Variants in GALNT13 observed in about 807,000 individuals in gnomAD.
GALNT13 encodes UDP-GalNAc:polypeptide N-acetylgalactosaminyltransferase 13.
In GALNT13, 28 loss-of-function variants were observed where a neutral mutation model predicts 64.2. The ratio of observed to expected loss-of-function variants is 0.44; its 90% CI spans 0.32 to 0.60. The LOEUF (loss-of-function observed/expected upper bound fraction) is 0.60. Ranked by LOEUF, GALNT13 falls within the 20% of genes least tolerant of loss-of-function variation. The pLI, the probability that GALNT13 is intolerant of heterozygous loss-of-function variation, is 0.05. For synonymous variants in GALNT13, 214 were observed against 224.6 expected, an observed-to-expected ratio of 0.95 and a Z score of 0.42; for missense variants, 577 against 669.8, an observed-to-expected ratio of 0.86 and a Z score of 1.53.
At chr2:153,475,147 G>A in the GALNT13 span, among the ~76,000 whole-genome samples, 1 of 152,190 alleles carries the variant, frequency 6.6e-6, no homozygotes. Flanking sequence ...GGGGAATAGA[G>A]AGTGTAAAAA....
chr2:153,786,306 A>T, the GALNT13 span, among the ~76,000 whole-genome samples: 1 of 152,012 alleles, frequency 6.6e-6, no homozygotes, highest in African/African-American at 2.4e-5. Context: ...GTGCGTAGTC[A>T]CTACGCTGAC....
chr2:154,355,006 A>C (rs893957882), intron 9 of GALNT13, among the ~76,000 whole-genome samples: 1 of 152,094 alleles, frequency 6.6e-6, no homozygotes, highest in Non-Finnish European at 1.5e-5. Flanking sequence ...AATTAGATTC[A>C]GTTGGAATTG....
At chr2:153,553,467 A>T in the GALNT13 span, among the ~76,000 whole-genome samples, 3 of 152,178 alleles carry the variant, frequency 2.0e-5, no homozygotes, top group East Asian at 5.8e-4. Context: ...GCACCACTGC[A>T]CTCCAGCCTG....
At chr2:153,893,805 C>T (rs1219592904) in intron 1 of GALNT13, among the ~76,000 whole-genome samples, 1 of 151,924 alleles carries the variant, frequency 6.6e-6, no homozygotes, top group Non-Finnish European at 1.5e-5. Flanking sequence ...TTATAAATGA[C>T]ACGGATGAAG....
At chr2:154,336,449 T>G (rs1695450635) in intron 9 of GALNT13, among the ~76,000 whole-genome samples, 2 of 152,120 alleles carry the variant, frequency 1.3e-5, no homozygotes, top group African/African-American at 2.4e-5. Flanking sequence ...AGGGGCCAAT[T>G]TAAATTTCAA....
chr2:153,515,147 C>T, the GALNT13 span, among the ~76,000 whole-genome samples: 1 of 152,152 alleles, frequency 6.6e-6, no homozygotes, highest in Non-Finnish European at 1.5e-5. Context: ...ACTGTCTTTT[C>T]TCCACTGGCA....
the GALNT13 span, among the ~76,000 whole-genome samples, chr2:153,072,893 C>T: frequency 5.9e-5 from 9 of 152,040 alleles, no homozygotes; most frequent in Admixed American, 2.6e-4. Flanking sequence ...AATTACACAA[C>T]GGTTTGCACT....
chr2:154,301,063 G>T (rs1693412876), intron 8 of GALNT13, among the ~76,000 whole-genome samples: 1 of 152,100 alleles, frequency 6.6e-6, no homozygotes, highest in Non-Finnish European at 1.5e-5. Flanking sequence ...TTTAGTTTTT[G>T]ACAATGGCAT....
At chr2:154,434,741 GAACATT>G (rs1311994296) in intron 11 of GALNT13, among the ~76,000 whole-genome samples, 1 of 151,914 alleles carries the variant, frequency 6.6e-6, no homozygotes, top group Non-Finnish European at 1.5e-5. Context: ...GAGACAACAT[GAACATT>G]AAGTGTGAAA....
At chr2:153,248,277 C>G in the GALNT13 span, among the ~76,000 whole-genome samples, 1 of 152,068 alleles carries the variant, frequency 6.6e-6, no homozygotes, top group Non-Finnish European at 1.5e-5. Flanking sequence ...AATTTTAGGC[C>G]AACATCCCTG....
the GALNT13 span, among the ~76,000 whole-genome samples, chr2:153,311,920 T>A: frequency 6.6e-6 from 1 of 152,222 alleles, no homozygotes; most frequent in Non-Finnish European, 1.5e-5. Context: ...TCCATAACTC[T>A]GTAAATGGAT....
At chr2:154,159,994 A>G (rs1271582576) in intron 4 of GALNT13, among the ~76,000 whole-genome samples, 1 of 152,212 alleles carries the variant, frequency 6.6e-6, no homozygotes, top group African/African-American at 2.4e-5. Context: ...TTTATAATTA[A>G]GGGAACTGAG....
intron 3 of GALNT13, among the ~76,000 whole-genome samples, chr2:154,095,953 A>G (rs1055103676): frequency 5.3e-5 from 8 of 152,014 alleles, no homozygotes; most frequent in Non-Finnish European, 8.8e-5. Flanking sequence ...TCTATAAAAC[A>G]TGGTCTTGTG....
At position 154,110,648 on chromosome 2, in the gene GALNT13, G is replaced by A. The variant is rs143504199; in HGVS notation, c.143-29689G>A. 7.0e-3 allele frequency among the ~76,000 whole-genome samples: 1,063 copies of A among 151,896 alleles called. 11 individuals carry two copies. The highest frequency in any genetic ancestry group is 0.024 in the African/African-American group (979 of 41,424). On this transcript the variant is annotated intron_variant, in intron 3 of 12. Transcript: ENST00000392825. ...TCTAGCTGGCAGCTGATAAGATGGT[G>A]CCCACCCTGATTAAGGGTGGGTCTG... is the stretch of plus-strand genomic sequence containing the variant.
At position 154,236,911 on chromosome 2, in the gene GALNT13, C is replaced by T. The variant is rs868834113; in HGVS notation, c.312-5119C>T. Among the ~76,000 whole-genome samples, 6 of 151,872 alleles carry T rather than the reference C, an allele frequency of 4.0e-5. 1 individual carries two copies. The highest frequency in any genetic ancestry group is 3.4e-3 in the Middle Eastern group (1 of 294). On this transcript the variant is annotated intron_variant, in intron 4 of 12. Transcript: ENST00000392825. The stretch of plus-strand genomic sequence containing the variant: ...ATTGGTATTTTCCTATCTGATACAA[C>T]GATATATATATTTGAATGCAAGATT...
chr2:154,320,166 A>G (rs1219548805), intron 9 of GALNT13, among the ~76,000 whole-genome samples: 1 of 152,158 alleles, frequency 6.6e-6, no homozygotes, highest in Non-Finnish European at 1.5e-5. Context: ...CAAATGATTA[A>G]GTGTACAATC....
At chr2:153,680,345 T>TA in the GALNT13 span, among the ~76,000 whole-genome samples, 62 of 150,072 alleles carry the variant, frequency 4.1e-4, no homozygotes, top group African/African-American at 1.3e-3. Context: ...CTATGGGAAA[T>TA]AAAAAAAAAT....
chr2:153,139,410 A>G, the GALNT13 span, among the ~76,000 whole-genome samples: 1 of 152,030 alleles, frequency 6.6e-6, no homozygotes, highest in Non-Finnish European at 1.5e-5. Flanking sequence ...AGTTGTGTCC[A>G]GAGGGATACA....
intron 9 of GALNT13, among the ~76,000 whole-genome samples, chr2:154,346,940 C>A (rs1017123207): frequency 5.9e-5 from 9 of 152,032 alleles, no homozygotes; most frequent in African/African-American, 2.2e-4. Flanking sequence ...CCGTGGGTTT[C>A]ATGTGTTCTC....
Sources: allele counts gnomAD v4.1 joint callset (sites outside exome capture counted in the v4.1 genomes callset), GRCh38; gene constraint gnomAD v4.1.1; transcripts MANE v1.5; gene names NCBI Gene and HGNC (gene_info 2026-07-23, HGNC 2026-07-21).